Variants in ERFL observed in about 807,000 individuals in gnomAD.
ERFL encodes the protein ETS domain-containing transcription factor ERF-like.
In ERFL, 8 loss-of-function variants were observed where a neutral mutation model predicts 27.9. The observed-to-expected ratio is 0.29, with a 90% CI of 0.17 to 0.52. The LOEUF (loss-of-function observed/expected upper bound fraction) is 0.52, where lower values mean the gene tolerates loss of function less well. Ranked by LOEUF, ERFL falls within the 20% of genes least tolerant of loss-of-function variation. The probability of loss-of-function intolerance (pLI) is 0.97; values close to 1 mark genes in which losing one functional copy is unlikely to be tolerated. For missense variants in ERFL, 294 were observed against 444.4 expected (o/e 0.66, Z 3.04); for synonymous variants, 174 against 202.8 (o/e 0.86, Z 1.21).
chr19:41,913,025 TCCCAGGTCCCCAC>T, intron 1 of ERFL, 93 bp from the exon 2 acceptor site: 1 of 470,906 alleles, frequency 2.1e-6, no homozygotes, highest in African/African-American at 2.0e-5. Context: ...CCTTCCCCTC[TCCCAGGTCCCCAC>T]CCCAGCCTGA....
rs551805496 is a variant in ERFL, at chr19:41,921,482, G to A, written c.-14+6558C>T. ...AGCAGACTGGGAGCCACATGCACAC[G>A]CAGAGAGAAGAGAGAGACAGAGACA... On this transcript the variant is annotated intron_variant, in intron 1 of 5. Transcript: ENST00000597630. The surrounding 1 kb of genome is among the most constrained non-coding windows in gnomAD (Gnocchi z 4.4). Among the ~76,000 whole-genome samples, 5 of 152,196 alleles carry A rather than the reference G, an allele frequency of 3.3e-5. No individual in the cohort carries two copies. Among genetic ancestry groups the A allele is most frequent in the South Asian group, 2.1e-4 (1 of 4,796 alleles).
chr19:41,914,562 CATCT>C (rs2074776223), intron 1 of ERFL, among the ~76,000 whole-genome samples: 1 of 76,800 alleles, frequency 1.3e-5, no homozygotes, highest in Non-Finnish European at 2.8e-5. Flanking sequence ...CCCCTTCCAC[CATCT>C]CTGTCTCCGT....
chr19:41,919,362 C>G (rs542248273), intron 1 of ERFL, among the ~76,000 whole-genome samples: 1 of 152,164 alleles, frequency 6.6e-6, no homozygotes, highest in Non-Finnish European at 1.5e-5. Flanking sequence ...AAACATGCAA[C>G]CACACAAACA....
intron 1 of ERFL, among the ~76,000 whole-genome samples, chr19:41,927,647 T>C (rs1261510970): frequency 6.6e-6 from 1 of 151,680 alleles, no homozygotes; most frequent in Non-Finnish European, 1.5e-5. Flanking sequence ...TAAACCCCAC[T>C]CAGAATCTAG....
chr19:41,914,676 TTCCACCATCTCTGTCTCTCCCTCCCC>T (rs1568832031), intron 1 of ERFL, among the ~76,000 whole-genome samples: 3 of 14,580 alleles, frequency 2.1e-4, no homozygotes, highest in Non-Finnish European at 2.0e-4. Context: ...CTCCCTCCCC[TTCCACCATCTCTGTCTCTCCCTCCCC>T]TTCCACCATC....
rs959542494 is a variant in ERFL, at chr19:41,917,132, C to A, written c.-13-4200G>T. Among the ~76,000 whole-genome samples the A allele has an allele frequency of 6.6e-6, 1 of 152,184 alleles. No homozygotes were observed. The highest frequency in any genetic ancestry group is 1.5e-5 in the Non-Finnish European group (1 of 68,028). ...CCCCTTCGGGTGTCGGCGCATCTTT[C>A]TGTCTGTCTCTGTCACTGAGGGTCT... On this transcript the variant is annotated intron_variant, in intron 1 of 5. Coordinates refer to ENST00000597630, the MANE Select transcript of ERFL (RefSeq NM_001365103.2). This position sits in a 1 kb window ranked among gnomAD's most constrained non-coding sequence, Gnocchi z 4.8.
At chr19:41,926,850 C>T (rs2074874347) in intron 1 of ERFL, among the ~76,000 whole-genome samples, 1 of 152,088 alleles carries the variant, frequency 6.6e-6, no homozygotes, top group Non-Finnish European at 1.5e-5. Context: ...GGAATTAGGT[C>T]CCCGGCTTAA....
rs756002465 is a variant in ERFL at position 41,921,071 on chromosome 19, G to C, written c.-14+6969C>G. Among the ~76,000 whole-genome samples the C allele has an allele frequency of 3.9e-5, 6 of 152,308 alleles. No individual in the cohort carries two copies. Among genetic ancestry groups the C allele is most frequent in the Admixed American group, 6.5e-5 (1 of 15,310 alleles). Reference sequence around the variant, plus strand: ...TGAGGGGTGGCGAGGGAGCGTCCCCGGGGAGGTGGGAGCCGCAGTGCCACG... The same window carrying C: ...TGAGGGGTGGCGAGGGAGCGTCCCCCGGGAGGTGGGAGCCGCAGTGCCACG... On this transcript the variant is annotated intron_variant, in intron 1 of 5. Transcript: ENST00000597630. The surrounding 1 kb of genome is among the most constrained non-coding windows in gnomAD (Gnocchi z 4.4).
chr19:41,909,007 C>G lies in ERFL; in HGVS notation c.616+53G>C. The G allele has an allele frequency of 9.2e-7, 1 of 1,087,126 alleles. No individual in the cohort carries two copies. Among genetic ancestry groups the G allele is most frequent in the Non-Finnish European group, 1.2e-6 (1 of 856,472 alleles). 67.3% of individuals were successfully genotyped at this position (1,087,126 alleles called of 1,614,324 possible). On this transcript the variant is annotated intron_variant, in intron 5 of 5. Transcript: ENST00000597630. This position sits in a 1 kb window ranked among gnomAD's most constrained non-coding sequence, Gnocchi z 5.2. ...TCTTTTCTCATCCTCTTCCCTCAAG[C>G]CTGCAGCTTCTCCCACTGTGCCCCC...
Position 41,908,315 on chromosome 19 carries a change from G to A in ERFL, c.978C>T (p.Val326=). 1.6e-6 allele frequency: 2 copies of A among 1,231,522 alleles called. No individual in the cohort carries two copies. The highest frequency in any genetic ancestry group is 2.0e-6 in the Non-Finnish European group (2 of 987,812). The allele number at this position is 1,231,522 out of a possible 1,614,324, so 76.3% of individuals were successfully genotyped here. ...DSDSELEITD[V]SGCSSDSEGD... is the part of the protein sequence containing the mutation. ...CCTCGCTGTCAGAGCTGCAGCCGCT[G>A]ACGTCGGTGATCTCCAGCTCCGAGT... The change falls in exon 6 of 6, where the codon GTC becomes GTT. Residue 326 remains valine (V), a synonymous_variant. Transcript: ENST00000597630. This position sits in a 1 kb window ranked among gnomAD's most constrained non-coding sequence, Gnocchi z 6.7.
chr19:41,914,720 C>A (rs1395623133), intron 1 of ERFL, among the ~76,000 whole-genome samples: 1 of 22,088 alleles, frequency 4.5e-5, no homozygotes, highest in Non-Finnish European at 7.4e-5. Context: ...ATCTCTGTCT[C>A]TCCCTCCCCT....
rs2074801827 is a variant in ERFL, at chr19:41,916,365, C to T, written c.-13-3433G>A. On this transcript the variant is annotated intron_variant, in intron 1 of 5. Transcript: ENST00000597630. The surrounding 1 kb of genome is among the most constrained non-coding windows in gnomAD (Gnocchi z 5.4). ...CATACCACTGCTGCCACACACAACC[C>T]ACATCACACAGATGCATGTGTCAGT... is the stretch of plus-strand genomic sequence containing the variant. 6.6e-6 allele frequency among the ~76,000 whole-genome samples: 1 copy of T among 152,090 alleles called. No individual in the cohort carries two copies. Among genetic ancestry groups the T allele is most frequent in the African/African-American group, 2.4e-5 (1 of 41,396 alleles).
At chr19:41,920,152 CCA>C (rs1375031833) in intron 1 of ERFL, among the ~76,000 whole-genome samples, 1 of 121,296 alleles carries the variant, frequency 8.2e-6, no homozygotes, top group Non-Finnish European at 1.6e-5. Flanking sequence ...CATGACACGC[CCA>C]GACATGATGC....
chr19:41,915,817 G>A (rs117814784), intron 1 of ERFL, among the ~76,000 whole-genome samples: 2,244 of 152,202 alleles, frequency 0.015, 27 homozygotes, highest in Non-Finnish European at 0.025. Context: ...TGGAGGGAGC[G>A]CGGCCTGCGG....
intron 1 of ERFL, among the ~76,000 whole-genome samples, chr19:41,922,795 A>ATGGGATGAGAGCAATAAATTAT (rs1298759410): frequency 6.6e-6 from 1 of 152,180 alleles, no homozygotes; most frequent in African/African-American, 2.4e-5. Context: ...CATCGATCAG[A>ATGGGATGAGAGCAATAAATTAT]TGGGATGAGA....
chr19:41,909,819 G>T lies in ERFL; in HGVS notation c.302+44C>A. 1 of 1,535,896 alleles carries T rather than the reference G, an allele frequency of 6.5e-7. No individual in the cohort carries two copies. Among genetic ancestry groups the T allele is most frequent in the Non-Finnish European group, 8.8e-7 (1 of 1,138,370 alleles). On this transcript the variant is annotated intron_variant, in intron 3 of 5. Transcript: ENST00000597630. This position sits in a 1 kb window ranked among gnomAD's most constrained non-coding sequence, Gnocchi z 5.2. ...AGAGGGGGCACCAGAGGGACAGTTG[G>T]GGGAAAAGGACAAGGTGGGATCCAG...
In ERFL at chr19:41,917,475, GC is replaced by G. The variant is rs1359076430; in HGVS notation, c.-13-4544del. Among the ~76,000 whole-genome samples the G allele has an allele frequency of 1.3e-5, 2 of 148,750 alleles. No individual in the cohort carries two copies. Among genetic ancestry groups the G allele is most frequent in the Non-Finnish European group, 3.0e-5 (2 of 66,592 alleles). ...ACCAGCCCCTTCATCCCTCACCCAG[GC>G]CCCCCCATCCCCACCTCCCCTTAAC... On this transcript the variant is annotated intron_variant, in intron 1 of 5. Coordinates refer to ENST00000597630, the MANE Select transcript of ERFL (RefSeq NM_001365103.2). This position sits in a 1 kb window ranked among gnomAD's most constrained non-coding sequence, Gnocchi z 4.8.
Position 41,908,988 on chromosome 19 carries a change from C to G in ERFL, c.616+72G>C. The G allele has an allele frequency of 1.0e-6, 1 of 974,942 alleles. No homozygotes were observed. The highest frequency in any genetic ancestry group is 1.3e-6 in the Non-Finnish European group (1 of 754,450). The allele number at this position is 974,942 out of a possible 1,614,324, so 60.4% of individuals were successfully genotyped here. The stretch of plus-strand genomic sequence containing the variant: ...TTCCCCATCTCTTCTCTTGTCTTTT[C>G]TCATCCTCTTCCCTCAAGCCTGCAG... On this transcript the variant is annotated intron_variant, in intron 5 of 5. Transcript: ENST00000597630. The surrounding 1 kb of genome is among the most constrained non-coding windows in gnomAD (Gnocchi z 6.7).
chr19:41,927,874 C>A (rs1462542454), intron 1 of ERFL, among the ~76,000 whole-genome samples, 166 bp downstream of exon 1: 1 of 152,004 alleles, frequency 6.6e-6, no homozygotes, highest in African/African-American at 2.4e-5. Flanking sequence ...GGCGCTGCCC[C>A]ACCTGCCCCT....
Sources: gnomAD v4.1 joint callset for allele counts (sites outside exome capture counted in the v4.1 genomes callset) on GRCh38, gnomAD v4.1.1 for gene constraint, Gnocchi (gnomAD v3.1) non-coding constraint, MANE v1.5 for transcripts, NCBI Gene and HGNC (gene_info 2026-07-23, HGNC 2026-07-21) for gene names.